Variants in SUSD1 observed in about 807,000 individuals in gnomAD.
The protein encoded by SUSD1 is sushi domain-containing protein 1.
In SUSD1, 65 loss-of-function variants were observed where a neutral mutation model predicts 86.9. The observed-to-expected ratio is 0.75, with a 90% CI of 0.61 to 0.92. The LOEUF is 0.92. Ranked by LOEUF, SUSD1 falls within the 40% of genes least tolerant of loss-of-function variation. The pLI, the probability that SUSD1 is intolerant of heterozygous loss-of-function variation, is 0.00. For synonymous variants in SUSD1, 346 were observed against 350.0 expected (o/e 0.99, Z 0.13); for missense variants, 850 against 929.7 (o/e 0.91, Z 1.11).
intron 12 of SUSD1, among the ~76,000 whole-genome samples, chr9:112,069,500 G>A (rs1466901524): frequency 6.6e-6 from 1 of 152,164 alleles, no homozygotes; most frequent in Admixed American, 6.5e-5. Flanking sequence ...TGTCCCCTGG[G>A]AACGTACCCC....
intron 15 of SUSD1, among the ~76,000 whole-genome samples, chr9:112,049,066 G>A (rs1471334235): frequency 6.6e-6 from 1 of 152,176 alleles, no homozygotes; most frequent in Non-Finnish European, 1.5e-5. Context: ...TGTGTAGGCT[G>A]GAATGACGAG....
chr9:112,141,017 G>A (rs1832539620), intron 5 of SUSD1, among the ~76,000 whole-genome samples: 2 of 152,182 alleles, frequency 1.3e-5, no homozygotes, highest in African/African-American at 2.4e-5. Flanking sequence ...CTGTAATAGG[G>A]CACTTACCAT....
intron 13 of SUSD1, among the ~76,000 whole-genome samples, chr9:112,059,067 C>T (rs1828589768): frequency 6.6e-6 from 1 of 152,234 alleles, no homozygotes; most frequent in Non-Finnish European, 1.5e-5. Context: ...GCTGGGATTA[C>T]AGGCGTGAGC....
chr9:112,047,658 A>C (rs914675393), intron 15 of SUSD1, among the ~76,000 whole-genome samples: 3 of 152,172 alleles, frequency 2.0e-5, no homozygotes, highest in African/African-American at 7.2e-5. Context: ...GCCCTCTCTC[A>C]GAGGTGAGTG....
intron 11 of SUSD1, among the ~76,000 whole-genome samples, chr9:112,079,621 G>A (rs1196300971): frequency 7.7e-6 from 1 of 130,336 alleles, no homozygotes; most frequent in Admixed American, 7.9e-5. Flanking sequence ...TTTTTTTTTC[G>A]AGACAAAGTT....
chr9:112,072,104 T>G (rs1829294683), intron 12 of SUSD1, among the ~76,000 whole-genome samples: 1 of 151,624 alleles, frequency 6.6e-6, no homozygotes, highest in African/African-American at 2.4e-5. Flanking sequence ...CTTTTATTAT[T>G]TATTTATTTT....
At position 112,102,254 on chromosome 9, in the gene SUSD1, G is replaced by A. The variant is rs199974172; in HGVS notation, c.1203C>T (p.Phe401=). The A allele has an allele frequency of 1.4e-5, 23 of 1,596,888 alleles. No homozygotes were observed. Among genetic ancestry groups the A allele is most frequent in the Non-Finnish European group, 1.9e-5 (22 of 1,170,490 alleles). Residue 401 remains phenylalanine, a synonymous_variant, in exon 9 of 17, where the codon TTC becomes TTT. Coordinates refer to ENST00000374270, the MANE Select transcript of SUSD1 (RefSeq NM_022486.5). The part of the protein sequence containing the change: ...EVDLLEDDGS[F]NISIFNETCL... ...AAGTTTCATTAAATATTGAAATATT[G>A]AAACTTCCATCATCTTCTAAGAGAT...
At chr9:112,164,972 C>A (rs894870179) in intron 1 of SUSD1, among the ~76,000 whole-genome samples, 6 of 152,000 alleles carry the variant, frequency 3.9e-5, no homozygotes, top group Non-Finnish European at 5.9e-5. Context: ...AACAAACAAA[C>A]AAAAAAATAC....
chr9:112,119,185 G>A (rs1044669580), intron 6 of SUSD1, among the ~76,000 whole-genome samples: 1 of 152,216 alleles, frequency 6.6e-6, no homozygotes, highest in Non-Finnish European at 1.5e-5. Flanking sequence ...TTAAGAGGAT[G>A]AAATGAAATC....
intron 10 of SUSD1, among the ~76,000 whole-genome samples, chr9:112,092,193 C>T (rs1211183251): frequency 6.6e-6 from 1 of 152,200 alleles, no homozygotes; most frequent in African/African-American, 2.4e-5. Context: ...TCCAGTCATA[C>T]CTCCAAATAA....
intron 10 of SUSD1, among the ~76,000 whole-genome samples, chr9:112,089,731 G>A (rs535374804): frequency 4.0e-5 from 6 of 149,498 alleles, no homozygotes; most frequent in Non-Finnish European, 5.9e-5. Flanking sequence ...AGAATCGCTC[G>A]AACCCGGGAG....
intron 2 of SUSD1, among the ~76,000 whole-genome samples, chr9:112,157,298 G>A (rs1304547868): frequency 6.6e-6 from 1 of 152,152 alleles, no homozygotes; most frequent in African/African-American, 2.4e-5. Flanking sequence ...CCTCTAACAT[G>A]AGGAATACTA....
intron 5 of SUSD1, among the ~76,000 whole-genome samples, chr9:112,129,593 G>A (rs147450910): frequency 2.0e-4 from 31 of 152,320 alleles, no homozygotes; most frequent in African/African-American, 6.7e-4. Context: ...GATTACAGGC[G>A]TGAGCCATCA....
chr9:112,098,591 C>T lies in SUSD1; in HGVS notation c.1353G>A (p.Arg451=), dbSNP rs544437535. ...CCAAACACACTACAGGCACTTGTTC[C>T]CTCGTTGTGAAGTTAAACGATGTTG... is the stretch of plus-strand genomic sequence containing the variant. ...SHATSFNFTT[R]EQVPVVCLDL... The change falls in exon 10 of 17, where the codon AGG becomes AGA. Residue 451 remains arginine (R), a synonymous_variant. Transcript: ENST00000374270. The T allele has an allele frequency of 3.4e-4, 554 of 1,614,160 alleles. 4 individuals carry two copies. In the South Asian group the frequency reaches 5.6e-3, roughly 16 times the overall value.
rs912620413 is a variant in SUSD1, at chr9:112,062,957, C to T, written c.1830G>A (p.Lys610=). The change falls in exon 13 of 17, where the codon AAG becomes AAA. Residue 610 remains lysine (K), a synonymous_variant. Transcript: ENST00000374270. ...PLPRLRLRKA[K]EKNGPISSYQ... is the part of the protein sequence containing the mutation. ...CTGACCTGATTGGTCCATTTTTCTC[C>T]TTGGCTTTCCTCAGTCTGAGGCGTG... 1 of 1,612,504 alleles carries T rather than the reference C, an allele frequency of 6.2e-7. No individual in the cohort carries two copies. The highest frequency in any genetic ancestry group is 1.3e-5 in the African/African-American group (1 of 74,850).
intron 6 of SUSD1, among the ~76,000 whole-genome samples, chr9:112,114,695 A>G (rs1413727425): frequency 1.3e-5 from 2 of 152,060 alleles, no homozygotes; most frequent in Admixed American, 6.6e-5. Context: ...TTTTGACAAC[A>G]TGACCAGGTC....
At chr9:112,128,080 T>A (rs970518023) in intron 5 of SUSD1, among the ~76,000 whole-genome samples, 4 of 151,702 alleles carry the variant, frequency 2.6e-5, no homozygotes, top group African/African-American at 9.7e-5. Flanking sequence ...TTTTTTTGTT[T>A]GTTTTTTGTT....
intron 10 of SUSD1, among the ~76,000 whole-genome samples, chr9:112,085,299 A>G (rs1829931676): frequency 6.6e-6 from 1 of 152,242 alleles, no homozygotes; most frequent in Admixed American, 6.5e-5. Flanking sequence ...ACAAGGGAGT[A>G]TATAATAAAT....
At chr9:112,042,148 TAC>T in intron 15 of SUSD1, 188 bp from the exon 16 acceptor site, 3 of 1,538,454 alleles carry the variant, frequency 2.0e-6, no homozygotes. Flanking sequence ...CTCAGGAAAT[TAC>T]AGTTACAAGG....
Sources: allele counts gnomAD v4.1 joint callset (sites outside exome capture counted in the v4.1 genomes callset), GRCh38; gene constraint gnomAD v4.1.1; transcripts MANE v1.5; gene names NCBI Gene and HGNC (gene_info 2026-07-23, HGNC 2026-07-21).